The following KCNMB2 variants were observed in gnomAD, a reference collection of about 807,000 sequenced individuals.
KCNMB2 encodes potassium calcium-activated channel subfamily M regulatory beta subunit 2.
A neutral mutation model predicts 24.5 loss-of-function variants in KCNMB2; 9 were observed. The ratio of observed to expected loss-of-function variants is 0.37; its 90% CI spans 0.22 to 0.64. The LOEUF is 0.64. KCNMB2 is among the 30% of genes least tolerant of loss of function. The probability of loss-of-function intolerance (pLI) is 0.63; values close to 1 mark genes in which losing one functional copy is unlikely to be tolerated. For missense variants in KCNMB2, 226 were observed against 284.3 expected (o/e 0.79, Z 1.47); for synonymous variants, 109 against 104.4 (o/e 1.04, Z -0.27).
intron 2 of KCNMB2, among the ~76,000 whole-genome samples, chr3:178,819,670 C>T (rs983893325): frequency 1.1e-4 from 16 of 152,116 alleles, no homozygotes; most frequent in African/African-American, 3.9e-4. Context: ...CTTACCATAA[C>T]CTTTATCAAT....
At chr3:178,751,908 A>G (rs943469313) in intron 1 of KCNMB2, among the ~76,000 whole-genome samples, 1 of 152,230 alleles carries the variant, frequency 6.6e-6, no homozygotes, top group Non-Finnish European at 1.5e-5. Flanking sequence ...CCTCACGGCA[A>G]TCATTGAAAG....
chr3:178,769,568 A>G (rs1712260686), intron 1 of KCNMB2, among the ~76,000 whole-genome samples: 1 of 152,246 alleles, frequency 6.6e-6, no homozygotes, highest in African/African-American at 2.4e-5. Context: ...AAATCCATTA[A>G]TAATATTCCA....
intron 1 of KCNMB2, among the ~76,000 whole-genome samples, chr3:178,768,853 A>T (rs1014338283): frequency 6.6e-6 from 1 of 152,196 alleles, no homozygotes; most frequent in Non-Finnish European, 1.5e-5. Context: ...AAAAACCAAG[A>T]CATACTCATC....
chr3:178,559,149 G>C (rs1258335697), intron 1 of KCNMB2, among the ~76,000 whole-genome samples: 1 of 152,178 alleles, frequency 6.6e-6, no homozygotes, highest in Non-Finnish European at 1.5e-5. Flanking sequence ...TGTAGAAAAT[G>C]CAATATTTGC....
intron 2 of KCNMB2, 71 bp downstream of exon 2, chr3:178,807,536 G>C: frequency 1.5e-6 from 2 of 1,300,730 alleles, no homozygotes; most frequent in Non-Finnish European, 1.1e-6. Flanking sequence ...ATACTGACAG[G>C]AAAGTAGTAG....
At chr3:178,616,764 T>G (rs1718720458) in intron 1 of KCNMB2, among the ~76,000 whole-genome samples, 3 of 152,096 alleles carry the variant, frequency 2.0e-5, no homozygotes, top group Admixed American at 2.0e-4. Flanking sequence ...TCCTGTGGGG[T>G]TGGTTTTATA....
At chr3:178,840,088 T>C (rs9867501) in intron 4 of KCNMB2, among the ~76,000 whole-genome samples, 97,623 of 151,696 alleles carry the variant, frequency 0.64, 33,304 homozygotes, top group African/African-American at 0.87. Context: ...AATGGGTAAA[T>C]AGACCCATTC....
At chr3:178,688,679 C>T (rs922903421) in intron 1 of KCNMB2, among the ~76,000 whole-genome samples, 3 of 151,934 alleles carry the variant, frequency 2.0e-5, no homozygotes, top group African/African-American at 2.4e-5. Context: ...GATAGACTAT[C>T]TAGTGTTTGC....
chr3:178,623,217 G>A (rs995271657), intron 1 of KCNMB2, among the ~76,000 whole-genome samples: 4 of 152,210 alleles, frequency 2.6e-5, no homozygotes, highest in African/African-American at 9.6e-5. Flanking sequence ...GTATCCAACT[G>A]CCTGGACTTG....
chr3:178,584,237 C>T (rs1717337094), intron 1 of KCNMB2, among the ~76,000 whole-genome samples: 1 of 152,216 alleles, frequency 6.6e-6, no homozygotes, highest in Admixed American at 6.5e-5. Flanking sequence ...TTGCTGCTCA[C>T]CTTACAAAAC....
chr3:178,623,841 G>A (rs1490499407), intron 1 of KCNMB2, among the ~76,000 whole-genome samples: 1 of 152,196 alleles, frequency 6.6e-6, no homozygotes, highest in Non-Finnish European at 1.5e-5. Context: ...TATTCATGAT[G>A]TCAGGGGTAA....
chr3:178,557,480 G>A (rs1405184772), intron 1 of KCNMB2, among the ~76,000 whole-genome samples: 1 of 152,128 alleles, frequency 6.6e-6, no homozygotes, highest in Non-Finnish European at 1.5e-5. Context: ...GTAAGACTGG[G>A]CCATTAAAGA....
At chr3:178,652,888 C>T (rs1173659383) in intron 1 of KCNMB2, among the ~76,000 whole-genome samples, 1 of 152,066 alleles carries the variant, frequency 6.6e-6, no homozygotes, top group Non-Finnish European at 1.5e-5. Flanking sequence ...GTCTCAAACT[C>T]CTGACCCCAG....
chr3:178,604,165 G>C (rs1367119314), intron 1 of KCNMB2, among the ~76,000 whole-genome samples: 1 of 152,032 alleles, frequency 6.6e-6, no homozygotes, highest in Admixed American at 6.6e-5. Context: ...AAAGCAGATG[G>C]GAATGCTGTT....
At chr3:178,676,486 T>A (rs1721074946) in intron 1 of KCNMB2, among the ~76,000 whole-genome samples, 1 of 152,200 alleles carries the variant, frequency 6.6e-6, no homozygotes, top group Admixed American at 6.5e-5. Flanking sequence ...TCAGCCATTT[T>A]TCTCCTCCAG....
chr3:178,771,147 C>T (rs531481707), intron 1 of KCNMB2, among the ~76,000 whole-genome samples: 3 of 152,296 alleles, frequency 2.0e-5, no homozygotes, highest in Non-Finnish European at 4.4e-5. Flanking sequence ...ACACACTCTA[C>T]AATCAAATCC....
intron 1 of KCNMB2, among the ~76,000 whole-genome samples, chr3:178,656,413 T>G (rs1489818739): frequency 6.6e-6 from 1 of 152,180 alleles, no homozygotes; most frequent in Non-Finnish European, 1.5e-5. Context: ...TTATAGCATA[T>G]GTCAGAAATG....
chr3:178,804,675 T>C (rs1475901167), intron 1 of KCNMB2, among the ~76,000 whole-genome samples: 1 of 152,206 alleles, frequency 6.6e-6, no homozygotes, highest in African/African-American at 2.4e-5. Flanking sequence ...GCAGCTCCTT[T>C]CACTTTGTAT....
At chr3:178,715,909 C>G (rs1347010479) in intron 1 of KCNMB2, among the ~76,000 whole-genome samples, 3 of 152,152 alleles carry the variant, frequency 2.0e-5, no homozygotes, top group Non-Finnish European at 4.4e-5. Flanking sequence ...AGTCCAAGAC[C>G]TGTAGTGGTC....
Sources: gnomAD v4.1 joint callset for allele counts (sites outside exome capture counted in the v4.1 genomes callset) on GRCh38, gnomAD v4.1.1 for gene constraint, MANE v1.5 for transcripts, NCBI Gene and HGNC (gene_info 2026-07-23, HGNC 2026-07-21) for gene names.